Variants in CYREN observed in about 807,000 individuals in gnomAD.
The protein encoded by CYREN is cell cycle regulator of non-homologous end joining.
A neutral mutation model predicts 9.7 loss-of-function variants in CYREN; 7 were observed. The observed-to-expected ratio is 0.72, with a 90% CI of 0.41 to 1.36. The LOEUF (loss-of-function observed/expected upper bound fraction) is 1.36. Among genes scored for constraint, CYREN ranks in the 40% most tolerant of loss-of-function variants. The probability of loss-of-function intolerance (pLI) is 0.01; values close to 1 mark genes in which losing one functional copy is unlikely to be tolerated. For synonymous variants in CYREN, 76 were observed against 77.9 expected, an observed-to-expected ratio of 0.98 and a Z score of 0.13; for missense variants, 215 against 198.1, an observed-to-expected ratio of 1.09 and a Z score of -0.51.
intron 2 of CYREN, among the ~76,000 whole-genome samples, chr7:135,141,383 T>C (rs1645258999): frequency 6.6e-6 from 1 of 152,126 alleles, no homozygotes; most frequent in African/African-American, 2.4e-5. Flanking sequence ...CTTATACTTT[T>C]GTGGGGTCAG....
intron 2 of CYREN, among the ~76,000 whole-genome samples, chr7:135,132,652 T>C (rs1008078219): frequency 2.6e-5 from 4 of 152,194 alleles, no homozygotes; most frequent in African/African-American, 4.8e-5. Context: ...AGTTTCCCCA[T>C]ACTCTTCTCG....
At chr7:135,156,396 T>C (rs974540433) in intron 2 of CYREN, among the ~76,000 whole-genome samples, 4 of 152,280 alleles carry the variant, frequency 2.6e-5, no homozygotes, top group Admixed American at 6.5e-5. Flanking sequence ...TTATTCATTC[T>C]TTTTTATCCT....
rs1268971782 is a variant in CYREN at position 135,096,567 on chromosome 7, AGATAGATAGATAGATACAT to A, written n.357-2004_357-1986del. Among the ~76,000 whole-genome samples, 236 of 34,068 alleles carry A rather than the reference AGATAGATAGATAGATACAT, an allele frequency of 6.9e-3. 7 individuals carry two copies. Among genetic ancestry groups the A allele is most frequent in the South Asian group, 0.028 (13 of 466 alleles). The allele number at this position is 34,068 out of a possible 152,430, so 22.3% of individuals were successfully genotyped here. On this transcript the variant is annotated intron_variant and non_coding_transcript_variant, in intron 2 of 2. Coordinates refer to the CYREN transcript ENST00000459937. ...AAGAAAGAAAGAAAGAAAGATAGAT[AGATAGATAGATAGATACAT>A]AGATAGATAGATAGATAGATAGATA...
chr7:135,099,832 T>G (rs1823494793), intron 2 of CYREN: 1 of 151,622 alleles, frequency 6.6e-6, no homozygotes, highest in Non-Finnish European at 1.5e-5. Context: ...CTTTAAAATC[T>G]AGTTAGATAT....
At position 135,167,570 on chromosome 7, in the gene CYREN, A is replaced by G. The variant is rs925443733; in HGVS notation, c.213+162T>C. 3 of 985,256 alleles carry G rather than the reference A, an allele frequency of 3.0e-6. No homozygotes were observed. In the African/African-American group the frequency reaches 5.2e-5, roughly 17 times the overall value. 61.0% of individuals were successfully genotyped at this position (985,256 alleles called of 1,614,324 possible). A position where few individuals can be genotyped will look rare whatever the true frequency, so the allele number is the denominator to read the frequency against. On this transcript the variant is annotated intron_variant, in intron 3 of 3. Coordinates refer to ENST00000393114, the MANE Select transcript of CYREN (RefSeq NM_024033.4). The stretch of plus-strand genomic sequence containing the variant: ...CCCACGAGCGCACACCCACATGGGG[A>G]GAGGCCTGGGCAGCATGGCCGAGAT...
chr7:135,171,297 T>G (rs1238802473), upstream of CYREN, among the ~76,000 whole-genome samples: 1 of 146,414 alleles, frequency 6.8e-6, no homozygotes, highest in Admixed American at 6.9e-5. Context: ...TATTGTTTTA[T>G]ACTCAGTACC....
chr7:135,170,967 A>G (rs62481876), upstream of CYREN, among the ~76,000 whole-genome samples: 52,657 of 151,998 alleles, frequency 0.35, 9,471 homozygotes, highest in South Asian at 0.5. Flanking sequence ...TGAAAGTTCA[A>G]TTCTTGGCCC....
At chr7:135,102,701 T>C (rs946870966) in intron 2 of CYREN, among the ~76,000 whole-genome samples, 1 of 151,698 alleles carries the variant, frequency 6.6e-6, no homozygotes, top group African/African-American at 2.4e-5. Flanking sequence ...AATGATCATC[T>C]ATTTGGCTCT....
intron 2 of CYREN, among the ~76,000 whole-genome samples, chr7:135,125,241 C>T (rs1160147673): frequency 6.6e-6 from 1 of 152,060 alleles, no homozygotes; most frequent in Non-Finnish European, 1.5e-5. Flanking sequence ...GAAATATAAA[C>T]TACCATCAGA....
At chr7:135,164,403 G>A, downstream of CYREN, 3 of 1,568,032 alleles carry the variant, frequency 1.9e-6, no homozygotes, top group Non-Finnish European at 2.6e-6. Context: ...ACTGACTGCT[G>A]TGACTTCCCC....
At chr7:135,134,509 A>G (rs906373277) in intron 2 of CYREN, among the ~76,000 whole-genome samples, 1 of 152,126 alleles carries the variant, frequency 6.6e-6, no homozygotes, top group Non-Finnish European at 1.5e-5. Context: ...AGAGCAAACA[A>G]CTACTTTACT....
intron 2 of CYREN, among the ~76,000 whole-genome samples, chr7:135,150,700 G>A (rs887174223): frequency 2.0e-5 from 3 of 152,278 alleles, no homozygotes; most frequent in Middle Eastern, 3.4e-3. Flanking sequence ...AAACTGGACC[G>A]TGGAGTCCTG....
At chr7:135,172,159 T>C (rs574879355), upstream of CYREN, among the ~76,000 whole-genome samples, 2 of 152,086 alleles carry the variant, frequency 1.3e-5, no homozygotes, top group African/African-American at 4.8e-5. Context: ...TGTGCCTGTA[T>C]TGGCACTTTT....
intron 2 of CYREN, among the ~76,000 whole-genome samples, chr7:135,096,775 G>GA (rs1554516788): frequency 6.7e-6 from 1 of 148,540 alleles, no homozygotes; most frequent in African/African-American, 2.5e-5. Context: ...AAGAAAGAAA[G>GA]AAAGAAAGAA....
chr7:135,164,775 G>A (rs765869187), downstream of CYREN: 1 of 1,614,230 alleles, frequency 6.2e-7, no homozygotes, highest in Non-Finnish European at 8.5e-7. Context: ...TGATGAGAGA[G>A]CGTGGCGGCT....
intron 2 of CYREN, among the ~76,000 whole-genome samples, chr7:135,133,561 G>A (rs190323939): frequency 1.3e-5 from 2 of 152,270 alleles, no homozygotes; most frequent in Admixed American, 1.3e-4. Context: ...AGTAGTATTA[G>A]AGGAGAAATA....
chr7:135,157,513 GGTTA>G (rs1829825163), intron 2 of CYREN, among the ~76,000 whole-genome samples: 1 of 152,252 alleles, frequency 6.6e-6, no homozygotes, highest in African/African-American at 2.4e-5. Context: ...CTGCTCTGGT[GGTTA>G]GTGGGTCTTG....
chr7:135,150,585 AGAGG>A (rs1829644543), intron 2 of CYREN, among the ~76,000 whole-genome samples: 3 of 152,162 alleles, frequency 2.0e-5, no homozygotes, highest in Admixed American at 1.3e-4. Flanking sequence ...ATTGCGGAAG[AGAGG>A]GCTGGTGCGG....
At chr7:135,115,534 G>C in intron 2 of CYREN, 1 of 1,551,462 alleles carries the variant, frequency 6.4e-7, no homozygotes, top group Non-Finnish European at 8.7e-7. Context: ...TCCCCATCGT[G>C]CATAGCACTA....
Sources: gnomAD v4.1 joint callset for allele counts (sites outside exome capture counted in the v4.1 genomes callset) on GRCh38, gnomAD v4.1.1 for gene constraint, MANE v1.5 for transcripts, NCBI Gene and HGNC (gene_info 2026-07-23, HGNC 2026-07-21) for gene names.